The following GRM7 variants were observed in gnomAD, a reference collection of about 807,000 sequenced individuals.
GRM7 encodes the protein glutamate metabotropic receptor 7.
A neutral mutation model predicts 84.5 loss-of-function variants in GRM7; 35 were observed. The ratio of observed to expected loss-of-function variants is 0.41; its 90% CI spans 0.32 to 0.55. The LOEUF (loss-of-function observed/expected upper bound fraction) is 0.55. Ranked by LOEUF, GRM7 falls within the 20% of genes least tolerant of loss-of-function variation. GRM7 has a pLI of 0.19. For synonymous variants in GRM7, 487 were observed against 455.1 expected (o/e 1.07, Z -0.89); for missense variants, 1,003 against 1,194.6 (o/e 0.84, Z 2.36).
chr3:7,161,970 C>T (rs1202583155), intron 2 of GRM7, among the ~76,000 whole-genome samples: 6 of 152,242 alleles, frequency 3.9e-5, no homozygotes, highest in African/African-American at 1.2e-4. Flanking sequence ...ATATTGCCAA[C>T]GTAATGCCAA....
rs372205667 is a variant in GRM7, at chr3:6,980,999, T to C, written c.519+119092T>C. On this transcript the variant is annotated intron_variant, in intron 1 of 9. Coordinates refer to ENST00000357716, the MANE Select transcript of GRM7 (RefSeq NM_000844.4). ...AAAGTCTTGAAGGAACTAAACTTTA[T>C]CTTTAGCCTACCTTGAGGAAGAACC... Among the ~76,000 whole-genome samples the C allele has an allele frequency of 2.0e-5, 3 of 152,274 alleles. No individual in the cohort carries two copies. The East Asian group carries it at 5.8e-4, about 29-fold the overall frequency.
chr3:7,424,904 T>A (rs1240085994), intron 5 of GRM7, among the ~76,000 whole-genome samples: 2 of 152,206 alleles, frequency 1.3e-5, no homozygotes, highest in African/African-American at 4.8e-5. Flanking sequence ...TCAGCAGAGA[T>A]GATCACAACA....
intron 1 of GRM7, among the ~76,000 whole-genome samples, chr3:7,125,265 G>A (rs1693361330): frequency 6.6e-6 from 1 of 152,084 alleles, no homozygotes; most frequent in Non-Finnish European, 1.5e-5. Context: ...GCTGCACAGG[G>A]AGGCTAATCC....
intron 1 of GRM7, among the ~76,000 whole-genome samples, chr3:6,887,045 C>T (rs78045604): frequency 0.048 from 7,231 of 152,004 alleles, 188 homozygotes; most frequent in African/African-American, 0.049. Context: ...AACTTCCATA[C>T]ATCTGATTTG....
At chr3:7,341,839 A>G (rs912667584) in intron 4 of GRM7, among the ~76,000 whole-genome samples, 1 of 152,118 alleles carries the variant, frequency 6.6e-6, no homozygotes, top group African/African-American at 2.4e-5. Context: ...GTTTCATGCT[A>G]AGTTGAAAAA....
At chr3:6,907,694 C>T (rs564119192) in intron 1 of GRM7, among the ~76,000 whole-genome samples, 160 of 152,050 alleles carry the variant, frequency 1.1e-3, no homozygotes, top group African/African-American at 3.2e-3. Context: ...TTTTAAGGAA[C>T]CACGGAGAGA....
At chr3:7,311,939 TG>T (rs1360082395) in intron 4 of GRM7, among the ~76,000 whole-genome samples, 1 of 151,970 alleles carries the variant, frequency 6.6e-6, no homozygotes, top group African/African-American at 2.4e-5. Flanking sequence ...GGAAAGAGAG[TG>T]GTAGATTCAC....
chr3:7,452,742 G>T lies in GRM7; in HGVS notation c.1310G>T (p.Cys437Phe). 1 of 1,613,426 alleles carries T rather than the reference G, an allele frequency of 6.2e-7. No homozygotes were observed. Among genetic ancestry groups the T allele is most frequent in the Non-Finnish European group, 8.5e-7 (1 of 1,179,570 alleles). ...CTCTGTGCTGACTACCGGGGTGTCT[G>T]CCCAGAGATGGAGCAAGCTGGAGGC... The part of the protein sequence containing the change: ...KDLCADYRGV[C>F]PEMEQAGGKK... Residue 437 changes from cysteine (C) to phenylalanine (F), a missense_variant, in exon 6 of 10, where the codon TGC becomes TTC. By Grantham distance (205) the Cys-to-Phe change is radical (BLOSUM62 -2). Coordinates refer to ENST00000357716, the MANE Select transcript of GRM7 (RefSeq NM_000844.4).
intron 1 of GRM7, among the ~76,000 whole-genome samples, chr3:6,872,779 C>A (rs1230758871): frequency 6.6e-6 from 1 of 152,166 alleles, no homozygotes; most frequent in Non-Finnish European, 1.5e-5. Context: ...CATGTCCCTA[C>A]AAAGGACATG....
chr3:7,006,870 TA>T (rs1322306763), intron 1 of GRM7, among the ~76,000 whole-genome samples: 1 of 152,120 alleles, frequency 6.6e-6, no homozygotes, highest in African/African-American at 2.4e-5. Context: ...AATATAGGGA[TA>T]AAAAAGGTGA....
At chr3:7,296,746 G>T (rs1699826555) in intron 2 of GRM7, among the ~76,000 whole-genome samples, 2 of 150,864 alleles carry the variant, frequency 1.3e-5, no homozygotes, top group East Asian at 1.9e-4. Flanking sequence ...AGGGTCATTT[G>T]TTAGTTCTCC....
At chr3:7,355,840 C>G (rs1043598153) in intron 4 of GRM7, among the ~76,000 whole-genome samples, 2 of 152,136 alleles carry the variant, frequency 1.3e-5, no homozygotes, top group African/African-American at 4.8e-5. Context: ...GTTGTCTTCT[C>G]TCTCCCAGTC....
At chr3:7,639,784 T>C (rs1698276649) in intron 8 of GRM7, among the ~76,000 whole-genome samples, 1 of 152,182 alleles carries the variant, frequency 6.6e-6, no homozygotes, top group Non-Finnish European at 1.5e-5. Flanking sequence ...GACAAATGTG[T>C]ACACTTATGT....
At chr3:7,093,492 A>G (rs1456961720) in intron 1 of GRM7, among the ~76,000 whole-genome samples, 1 of 151,672 alleles carries the variant, frequency 6.6e-6, no homozygotes, top group African/African-American at 2.4e-5. Flanking sequence ...AGCCTGTCCA[A>G]TATGGTGAAA....
In GRM7 at chr3:7,593,012, A is replaced by G. The variant is rs1238947222; in HGVS notation, c.2451+13655A>G. On this transcript the variant is annotated intron_variant, in intron 8 of 9. Transcript: ENST00000357716. ...GGATAAGATAATGGGGCTCCCACAC[A>G]TAATTACACAATAATGTAACAATAT... Among the ~76,000 whole-genome samples the G allele has an allele frequency of 2.0e-5, 3 of 152,360 alleles. No individual in the cohort carries two copies. The East Asian group carries it at 5.8e-4, about 29-fold the overall frequency.
At position 6,932,751 on chromosome 3, in the gene GRM7, CTT is replaced by C. The variant is rs35962540; in HGVS notation, c.519+70864_519+70865del. Among the ~76,000 whole-genome samples, 277 of 93,798 alleles carry C rather than the reference CTT, an allele frequency of 3.0e-3. 1 individual carries two copies. The highest frequency in any genetic ancestry group is 9.6e-3 in the African/African-American group (205 of 21,252). 61.5% of individuals were successfully genotyped at this position (93,798 alleles called of 152,430 possible). A position where few individuals can be genotyped will look rare whatever the true frequency, so the allele number is the denominator to read the frequency against. On this transcript the variant is annotated intron_variant, in intron 1 of 9. Coordinates refer to ENST00000357716, the MANE Select transcript of GRM7 (RefSeq NM_000844.4). ...TTTTTTAATGTTTTCTTCTTTCTCT[CTT>C]TTTTTTTTTTTTTTTTTTTGAGACA...
At chr3:7,522,264 G>T (rs1464077019) in intron 7 of GRM7, among the ~76,000 whole-genome samples, 1 of 151,994 alleles carries the variant, frequency 6.6e-6, no homozygotes. Context: ...TTTTTTCTAA[G>T]TACAAACGCA....
intron 8 of GRM7, among the ~76,000 whole-genome samples, chr3:7,586,849 A>G (rs1695543713): frequency 6.6e-6 from 1 of 152,234 alleles, no homozygotes; most frequent in Admixed American, 6.5e-5. Context: ...AGCAGCATGG[A>G]TAAATCTCAA....
chr3:7,476,462 G>A (rs569218553), intron 7 of GRM7, among the ~76,000 whole-genome samples: 46 of 152,148 alleles, frequency 3.0e-4, no homozygotes, highest in Admixed American at 5.2e-4. Context: ...CAGGAGAATC[G>A]CTTGAACCCA....
Sources: allele counts gnomAD v4.1 joint callset (sites outside exome capture counted in the v4.1 genomes callset), GRCh38; gene constraint gnomAD v4.1.1; transcripts MANE v1.5; gene names NCBI Gene and HGNC (gene_info 2026-07-23, HGNC 2026-07-21).